Variants in DLG2 observed in about 807,000 individuals in gnomAD.
The protein encoded by DLG2 is discs large MAGUK scaffold protein 2, also known as disks large homolog 2.
In DLG2, 45 loss-of-function variants were observed where a neutral mutation model predicts 132.5. That is an observed-to-expected ratio of 0.34 (90% CI 0.27 to 0.44). The LOEUF is 0.44. Among genes scored for constraint, DLG2 ranks in the 20% least tolerant of loss-of-function variants. The probability of loss-of-function intolerance (pLI) is 1.00; values close to 1 mark genes in which losing one functional copy is unlikely to be tolerated. For synonymous variants in DLG2, 424 were observed against 419.6 expected, an observed-to-expected ratio of 1.01 and a Z score of -0.13; for missense variants, 1,045 against 1,196.9, an observed-to-expected ratio of 0.87 and a Z score of 1.87.
At chr11:85,104,922 G>A (rs2071489556) in intron 6 of DLG2, among the ~76,000 whole-genome samples, 4 of 147,868 alleles carry the variant, frequency 2.7e-5, no homozygotes. Context: ...AGGAGAAAGA[G>A]GTGGGTGAAT....
rs144949531 is a variant in DLG2, at chr11:84,369,291, T to A, written c.520-118000A>T. 2.0e-5 allele frequency among the ~76,000 whole-genome samples: 3 copies of A among 152,292 alleles called. No homozygotes were observed. In the East Asian group the frequency reaches 5.8e-4, roughly 29 times the overall value. On this transcript the variant is annotated intron_variant, in intron 7 of 27. Transcript: ENST00000376104. ...ACTTAGGTTTGTTATGCTTTGGAAC[T>A]CATTTTTTAAACCACTGTGCTACTC...
chr11:84,129,412 T>C (rs1168552095), intron 9 of DLG2, among the ~76,000 whole-genome samples: 1 of 152,064 alleles, frequency 6.6e-6, no homozygotes, highest in African/African-American at 2.4e-5. Context: ...TCATTATCTA[T>C]ATAAACTGTC....
chr11:84,532,116 C>CTTTTTTTTTT (rs1565211965), intron 7 of DLG2, among the ~76,000 whole-genome samples: 3 of 69,918 alleles, frequency 4.3e-5, no homozygotes, highest in African/African-American at 1.4e-4. Flanking sequence ...TTGTTCTGTT[C>CTTTTTTTTTT]ATTTTTTTTT....
intron 18 of DLG2, among the ~76,000 whole-genome samples, chr11:83,659,910 T>G (rs780158477): frequency 4.6e-5 from 7 of 152,256 alleles, no homozygotes; most frequent in Non-Finnish European, 8.8e-5. Flanking sequence ...CTTTTCATTT[T>G]GTGGCCCTCA....
chr11:84,470,922 G>T (rs2099106787), intron 7 of DLG2, among the ~76,000 whole-genome samples: 1 of 151,858 alleles, frequency 6.6e-6, no homozygotes, highest in African/African-American at 2.4e-5. Flanking sequence ...TCAGGACAAA[G>T]ATGGGCATTC....
At chr11:83,553,889 C>CT (rs57434000) in intron 19 of DLG2, among the ~76,000 whole-genome samples, 57,860 of 142,698 alleles carry the variant, frequency 0.41, 11,877 homozygotes, top group Admixed American at 0.54. Flanking sequence ...ACAATCTTTT[C>CT]TTTTTTTTTC....
At chr11:85,007,558 C>T (rs1168293266) in intron 6 of DLG2, among the ~76,000 whole-genome samples, 7 of 147,922 alleles carry the variant, frequency 4.7e-5, no homozygotes, top group South Asian at 2.1e-4. Flanking sequence ...CCCAGCTACT[C>T]GGGAAGCTGA....
At chr11:85,400,234 A>G (rs1333700661) in intron 3 of DLG2, among the ~76,000 whole-genome samples, 1 of 151,782 alleles carries the variant, frequency 6.6e-6, no homozygotes, top group East Asian at 1.9e-4. Flanking sequence ...ACAATGAGAT[A>G]CCATCTCACA....
intron 8 of DLG2, among the ~76,000 whole-genome samples, chr11:84,220,665 A>T (rs1299164596): frequency 6.6e-6 from 1 of 152,192 alleles, no homozygotes. Context: ...TCAATTATGT[A>T]TAAAAATTAC....
intron 6 of DLG2, among the ~76,000 whole-genome samples, chr11:85,064,795 C>T (rs146466333): frequency 9.1e-4 from 138 of 151,654 alleles, no homozygotes; most frequent in Non-Finnish European, 1.7e-3. Context: ...GCCTTAAGAG[C>T]AAAGACTGAG....
Position 84,458,191 on chromosome 11 carries a change from C to T in DLG2, c.519+76379G>A, listed in dbSNP as rs1009031308. Among the ~76,000 whole-genome samples the T allele has an allele frequency of 2.0e-5, 3 of 150,702 alleles. 1 individual carries two copies. The highest frequency in any genetic ancestry group is 2.0e-4 in the Admixed American group (3 of 15,078). ...GATTTCCTGTGGCTGAATAATATTC[C>T]ATCTCATGAATGTGTCAACTATTAC... is the stretch of plus-strand genomic sequence containing the variant. On this transcript the variant is annotated intron_variant, in intron 7 of 27. Transcript: ENST00000376104.
In DLG2 at chr11:84,616,316, G is replaced by C. The variant is rs2099604362; in HGVS notation, c.358-81585C>G. Among the ~76,000 whole-genome samples the C allele has an allele frequency of 2.0e-5, 3 of 152,074 alleles. 1 individual carries two copies. The South Asian group carries it at 6.2e-4, about 31-fold the overall frequency. ...AATAAACTATAAAGTTTGTGGGACT[G>C]AATTTTGATATTTGTTTTATGTACA... On this transcript the variant is annotated intron_variant, in intron 6 of 27. Transcript: ENST00000376104.
chr11:84,621,278 A>T (rs886718988), intron 6 of DLG2, among the ~76,000 whole-genome samples: 3 of 152,196 alleles, frequency 2.0e-5, no homozygotes, highest in African/African-American at 7.2e-5. Context: ...AAAAAATTCA[A>T]TGTAGAAAAA....
In DLG2 at chr11:83,759,633, G is replaced by A. The variant is rs1347339248; in HGVS notation, c.1825+27057C>T. 2.0e-5 allele frequency among the ~76,000 whole-genome samples: 3 copies of A among 152,168 alleles called. No individual in the cohort carries two copies. The East Asian group carries it at 5.8e-4, about 29-fold the overall frequency. On this transcript the variant is annotated intron_variant, in intron 18 of 27. Coordinates refer to ENST00000376104, the MANE Select transcript of DLG2 (RefSeq NM_001142699.3). ...CATACCACCCTACCTGTTTCTTTAA[G>A]AAGTGACTTCCCTCTGTGAGAGAGG... is the stretch of plus-strand genomic sequence containing the variant.
intron 3 of DLG2, among the ~76,000 whole-genome samples, chr11:85,366,677 G>A (rs2084577410): frequency 6.6e-6 from 1 of 152,056 alleles, no homozygotes; most frequent in Non-Finnish European, 1.5e-5. Flanking sequence ...GGGGGGTAGA[G>A]GATAAGTTCC....
intron 6 of DLG2, among the ~76,000 whole-genome samples, chr11:85,057,750 A>AG (rs1477293443): frequency 6.6e-6 from 1 of 151,620 alleles, no homozygotes; most frequent in African/African-American, 2.4e-5. Flanking sequence ...AGCAAAAAAA[A>AG]GTAAAACAGC....
At chr11:83,468,526 T>C (rs990114473) in intron 25 of DLG2, among the ~76,000 whole-genome samples, 1 of 152,188 alleles carries the variant, frequency 6.6e-6, no homozygotes, top group Non-Finnish European at 1.5e-5. Flanking sequence ...CAAAATTACT[T>C]AATTCTTTAG....
chr11:84,008,443 A>G (rs1490764082), intron 11 of DLG2, among the ~76,000 whole-genome samples: 2 of 152,054 alleles, frequency 1.3e-5, no homozygotes, highest in Admixed American at 6.6e-5. Context: ...TGTTTTGGAG[A>G]TGGAGTTTTG....
At chr11:83,599,737 T>A (rs948685125) in intron 19 of DLG2, among the ~76,000 whole-genome samples, 1 of 152,208 alleles carries the variant, frequency 6.6e-6, no homozygotes, top group African/African-American at 2.4e-5. Context: ...CTATAATCAC[T>A]GGTTAGTATC....
Sources: allele counts gnomAD v4.1 joint callset (sites outside exome capture counted in the v4.1 genomes callset), GRCh38; gene constraint gnomAD v4.1.1; transcripts MANE v1.5; gene names NCBI Gene and HGNC (gene_info 2026-07-23, HGNC 2026-07-21).